Variants in CEP63 observed in about 807,000 individuals in gnomAD.
The protein encoded by CEP63 is centrosomal protein of 63 kDa.
In CEP63, 84 loss-of-function variants were observed where a neutral mutation model predicts 89.1. That is an observed-to-expected ratio of 0.94 (90% CI 0.79 to 1.13). The LOEUF is 1.13. Ranked by LOEUF, CEP63 falls within the 50% of genes most tolerant of loss-of-function variation. The pLI is 0.00. For synonymous variants in CEP63, 267 were observed against 272.5 expected, an observed-to-expected ratio of 0.98 and a Z score of 0.20; for missense variants, 838 against 813.3, an observed-to-expected ratio of 1.03 and a Z score of -0.37.
the CEP63 span, among the ~76,000 whole-genome samples, chr3:134,673,015 C>T: frequency 6.6e-6 from 1 of 152,198 alleles, no homozygotes; most frequent in Non-Finnish European, 1.5e-5. Context: ...TAGCATCAAG[C>T]CTGAGCTCTC....
the CEP63 span, among the ~76,000 whole-genome samples, chr3:134,757,539 A>G: frequency 6.6e-6 from 1 of 152,252 alleles, no homozygotes; most frequent in Non-Finnish European, 1.5e-5. Context: ...TATTGGAGGT[A>G]GGAGTAGAAA....
chr3:134,566,299 T>C (rs1957755342), downstream of CEP63, among the ~76,000 whole-genome samples: 1 of 152,114 alleles, frequency 6.6e-6, no homozygotes, highest in Non-Finnish European at 1.5e-5. Context: ...CTCCTTGATA[T>C]TAAATGCAAA....
the CEP63 span, among the ~76,000 whole-genome samples, chr3:134,650,389 TA>T: frequency 6.6e-6 from 1 of 152,142 alleles, no homozygotes; most frequent in Middle Eastern, 3.2e-3. Flanking sequence ...GCTCCCCATC[TA>T]AAAGTCTGAC....
At chr3:134,637,769 A>G in the CEP63 span, among the ~76,000 whole-genome samples, 4 of 152,210 alleles carry the variant, frequency 2.6e-5, no homozygotes, top group African/African-American at 9.6e-5. Flanking sequence ...ACATGCCCTG[A>G]GCCATGTCTC....
At chr3:134,715,778 T>A in the CEP63 span, among the ~76,000 whole-genome samples, 4 of 152,086 alleles carry the variant, frequency 2.6e-5, no homozygotes, top group Admixed American at 2.6e-4. Flanking sequence ...TTTACAAAAA[T>A]TTCTGTTTAC....
chr3:134,778,651 C>T, the CEP63 span, among the ~76,000 whole-genome samples: 5 of 152,136 alleles, frequency 3.3e-5, no homozygotes, highest in South Asian at 2.1e-4. Context: ...CTCTGCCTCC[C>T]GGGTTCACGC....
chr3:134,636,949 A>G, the CEP63 span, among the ~76,000 whole-genome samples: 57 of 152,218 alleles, frequency 3.7e-4, no homozygotes, highest in African/African-American at 1.4e-3. Flanking sequence ...TTGATTTTGT[A>G]AAACCTCCTT....
the CEP63 span, among the ~76,000 whole-genome samples, chr3:134,777,769 A>G: frequency 1.3e-5 from 2 of 151,578 alleles, no homozygotes; most frequent in Non-Finnish European, 2.9e-5. Flanking sequence ...ACACGCCACT[A>G]TGCCGGGCTA....
chr3:134,500,089 G>A (rs1017418296), intron 2 of CEP63, among the ~76,000 whole-genome samples: 1 of 152,014 alleles, frequency 6.6e-6, no homozygotes, highest in Non-Finnish European at 1.5e-5. Context: ...GCCTCCCAAA[G>A]TGCTGGGATT....
chr3:134,761,205 T>G, the CEP63 span, among the ~76,000 whole-genome samples: 21 of 152,334 alleles, frequency 1.4e-4, no homozygotes, highest in African/African-American at 5.1e-4. Flanking sequence ...TCCCTGAGCC[T>G]GCAAGCTTCC....
At chr3:134,650,028 G>T in the CEP63 span, among the ~76,000 whole-genome samples, 1 of 152,228 alleles carries the variant, frequency 6.6e-6, no homozygotes, top group African/African-American at 2.4e-5. Flanking sequence ...GGACCCTGAG[G>T]TTCTCTGGCT....
chr3:134,768,772 C>T, the CEP63 span, among the ~76,000 whole-genome samples: 1 of 152,282 alleles, frequency 6.6e-6, no homozygotes, highest in East Asian at 1.9e-4. Flanking sequence ...CTGTCGAGGG[C>T]CTTTGAAGAT....
chr3:134,683,745 C>T, the CEP63 span, among the ~76,000 whole-genome samples: 25,020 of 151,834 alleles, frequency 0.16, 2,731 homozygotes, highest in Non-Finnish European at 0.25. Flanking sequence ...GTTCTTCTCA[C>T]AAGCCACCAA....
chr3:134,676,463 G>T, the CEP63 span, among the ~76,000 whole-genome samples: 1 of 152,210 alleles, frequency 6.6e-6, no homozygotes, highest in Non-Finnish European at 1.5e-5. Context: ...AATGTGTGCA[G>T]GTTTTCTGGG....
At chr3:134,560,379 C>T (rs986203712) in intron 14 of CEP63, among the ~76,000 whole-genome samples, 9 of 152,158 alleles carry the variant, frequency 5.9e-5, no homozygotes, top group Non-Finnish European at 4.4e-5. Flanking sequence ...AATCAGTATG[C>T]GCAGCACTTC....
the CEP63 span, among the ~76,000 whole-genome samples, chr3:134,636,787 C>G: frequency 1.3e-5 from 2 of 152,082 alleles, no homozygotes; most frequent in African/African-American, 2.4e-5. Context: ...TTTTATCAAC[C>G]CTTTAAATTT....
At chr3:134,631,097 C>T in the CEP63 span, among the ~76,000 whole-genome samples, 1 of 152,070 alleles carries the variant, frequency 6.6e-6, no homozygotes, top group African/African-American at 2.4e-5. Context: ...TAGGTCAATA[C>T]CCAAAAGTCT....
chr3:134,560,570 G>A (rs966083290), intron 14 of CEP63, among the ~76,000 whole-genome samples: 1 of 152,148 alleles, frequency 6.6e-6, no homozygotes, highest in African/African-American at 2.4e-5. Flanking sequence ...CTCCATGCCA[G>A]CTGGATAGAG....
chr3:134,573,200 A>G (rs1309919993), intron 11 of CEP63, among the ~76,000 whole-genome samples: 2 of 151,964 alleles, frequency 1.3e-5, no homozygotes, highest in Non-Finnish European at 2.9e-5. Context: ...ATGTTCTCCC[A>G]TTTTGTTTAC....
Sources: gnomAD v4.1 joint callset for allele counts (sites outside exome capture counted in the v4.1 genomes callset) on GRCh38, gnomAD v4.1.1 for gene constraint, MANE v1.5 for transcripts, NCBI Gene and HGNC (gene_info 2026-07-23, HGNC 2026-07-21) for gene names.